Variants in FBXW8 observed in about 807,000 individuals in gnomAD.
FBXW8 encodes the protein F-box and WD repeat domain containing 8.
In FBXW8, 57 loss-of-function variants were observed where a neutral mutation model predicts 65.3. The observed-to-expected ratio is 0.87, with a 90% confidence interval of 0.71 to 1.09. FBXW8 has a LOEUF of 1.09. Among genes scored for constraint, FBXW8 ranks in the 50% least tolerant of loss-of-function variants. The probability of loss-of-function intolerance (pLI) is 0.00; values close to 1 mark genes in which losing one functional copy is unlikely to be tolerated. For synonymous variants in FBXW8, 308 were observed against 330.2 expected, an observed-to-expected ratio of 0.93 and a Z score of 0.73; for missense variants, 777 against 814.8, an observed-to-expected ratio of 0.95 and a Z score of 0.57.
intron 1 of FBXW8, among the ~76,000 whole-genome samples, chr12:116,922,806 G>T (rs1216264235): frequency 6.6e-6 from 1 of 151,380 alleles, no homozygotes; most frequent in African/African-American, 2.4e-5. Context: ...GAGTGTGTGT[G>T]TGTGTGTTTT....
intron 2 of FBXW8, among the ~76,000 whole-genome samples, chr12:116,930,195 C>T (rs941217400): frequency 6.6e-6 from 1 of 152,170 alleles, no homozygotes; most frequent in African/African-American, 2.4e-5. Context: ...ACCCAGCAAC[C>T]AGAATTGCTG....
intron 7 of FBXW8, among the ~76,000 whole-genome samples, chr12:116,994,527 G>C (rs982965997): frequency 2.6e-5 from 4 of 152,188 alleles, no homozygotes; most frequent in African/African-American, 9.7e-5. Context: ...AACCAATGTT[G>C]CCAGTTTTTT....
chr12:116,949,965 T>C, intron 4 of FBXW8: 1 of 420,588 alleles, frequency 2.4e-6, no homozygotes, highest in South Asian at 3.9e-5. Flanking sequence ...TTTAAATCAC[T>C]CTTGTGGCAT....
chr12:116,987,528 A>G (rs1885800014), intron 6 of FBXW8, among the ~76,000 whole-genome samples: 1 of 152,240 alleles, frequency 6.6e-6, no homozygotes, highest in African/African-American at 2.4e-5. Context: ...GCGTGTTTGT[A>G]GAGCCTTCCT....
intron 1 of FBXW8, among the ~76,000 whole-genome samples, chr12:116,913,546 T>G (rs1442634726): frequency 6.6e-6 from 1 of 152,000 alleles, no homozygotes; most frequent in East Asian, 1.9e-4. Context: ...TAAGAGAAAA[T>G]GTATTTACTA....
At chr12:116,959,545 C>A (rs758352881) in intron 4 of FBXW8, among the ~76,000 whole-genome samples, 1 of 152,134 alleles carries the variant, frequency 6.6e-6, no homozygotes, top group Non-Finnish European at 1.5e-5. Context: ...TTGTTTTTAG[C>A]AAATAAGAGC....
rs985008111 is a variant in FBXW8, at chr12:117,030,994, G to A, written c.*2822G>A. 3.9e-5 allele frequency: 6 copies of A among 152,044 alleles called. No individual in the cohort carries two copies. Among genetic ancestry groups the A allele is most frequent in the East Asian group, 1.9e-4 (1 of 5,186 alleles). 9.4% of individuals were successfully genotyped at this position (152,044 alleles called of 1,614,324 possible). A position where few individuals can be genotyped will look rare whatever the true frequency, so the allele number is the denominator to read the frequency against. On this transcript the variant is annotated 3_prime_UTR_variant, in exon 11 of 11. Transcript: ENST00000652555. Reference sequence around the variant, plus strand: ...CCCTCTCAGGGACGCCTCCATCCCCGGCTCCCCTAAAGGTAGAAGATACTC... The same window carrying A: ...CCCTCTCAGGGACGCCTCCATCCCCAGCTCCCCTAAAGGTAGAAGATACTC...
At chr12:116,960,339 C>T (rs993557960) in intron 4 of FBXW8, among the ~76,000 whole-genome samples, 2 of 152,196 alleles carry the variant, frequency 1.3e-5, no homozygotes, top group African/African-American at 4.8e-5. Flanking sequence ...GAGCCCGCTG[C>T]TGAGTCATAA....
chr12:116,950,024 A>G, intron 4 of FBXW8: 1 of 291,742 alleles, frequency 3.4e-6, no homozygotes, highest in Non-Finnish European at 6.5e-6. Context: ...TTATGAAGAC[A>G]TAAAAAAGTC....
intron 1 of FBXW8, among the ~76,000 whole-genome samples, chr12:116,925,239 T>G (rs7952766): frequency 0.77 from 116,093 of 151,270 alleles, 45,986 homozygotes; most frequent in Non-Finnish European, 0.86. Context: ...GCTGCCTTAG[T>G]GGGGTGGGAG....
At chr12:117,024,883 T>G (rs950040517) in intron 9 of FBXW8, among the ~76,000 whole-genome samples, 1 of 152,190 alleles carries the variant, frequency 6.6e-6, no homozygotes, top group African/African-American at 2.4e-5. Context: ...AAGGAGGAAT[T>G]TGTCATTTCC....
chr12:116,927,241 A>G (rs570173434), intron 1 of FBXW8, among the ~76,000 whole-genome samples: 12 of 152,266 alleles, frequency 7.9e-5, no homozygotes, highest in East Asian at 1.9e-4. Flanking sequence ...AGGATCGTCA[A>G]TGACAGCCTT....
At position 116,983,118 on chromosome 12, in the gene FBXW8, A is replaced by G. The variant is rs993423980; in HGVS notation, c.836-2088A>G. On this transcript the variant is annotated intron_variant, in intron 5 of 10. Coordinates refer to ENST00000652555, the MANE Select transcript of FBXW8 (RefSeq NM_153348.3). ...GAGTCTCTGAAGACTCAGAAGCTCT[A>G]TGCAAATGGGAGTTTTTTTTCTCTT... Among the ~76,000 whole-genome samples, 4 of 152,320 alleles carry G rather than the reference A, an allele frequency of 2.6e-5. No individual in the cohort carries two copies. The South Asian group carries it at 8.3e-4, about 32-fold the overall frequency.
intron 1 of FBXW8, among the ~76,000 whole-genome samples, chr12:116,920,025 A>G (rs1880761184): frequency 6.6e-6 from 1 of 152,214 alleles, no homozygotes; most frequent in Non-Finnish European, 1.5e-5. Context: ...CCAAATGTGT[A>G]CTCATGAATT....
intron 8 of FBXW8, among the ~76,000 whole-genome samples, chr12:117,017,865 C>T (rs140373227): frequency 5.8e-4 from 88 of 152,204 alleles, no homozygotes; most frequent in Non-Finnish European, 1.0e-3. Flanking sequence ...ATAGGAAGCA[C>T]GCCCTGAGTT....
At chr12:116,916,044 T>C (rs1880381456) in intron 1 of FBXW8, among the ~76,000 whole-genome samples, 1 of 152,224 alleles carries the variant, frequency 6.6e-6, no homozygotes. Flanking sequence ...CTTTGAGTTC[T>C]CGTGTATGGC....
intron 2 of FBXW8, among the ~76,000 whole-genome samples, chr12:116,933,691 G>T (rs1000894188): frequency 6.6e-6 from 1 of 152,210 alleles, no homozygotes; most frequent in Non-Finnish European, 1.5e-5. Flanking sequence ...AGTTAGCTGT[G>T]ATCTGTGAAG....
intron 4 of FBXW8, among the ~76,000 whole-genome samples, chr12:116,957,547 TA>T (rs1161757074): frequency 6.6e-6 from 1 of 152,230 alleles, no homozygotes; most frequent in Non-Finnish European, 1.5e-5. Flanking sequence ...GCCTATGGAT[TA>T]CTTTGAGACT....
intron 1 of FBXW8, among the ~76,000 whole-genome samples, chr12:116,911,701 G>A (rs562786043): frequency 1.9e-4 from 29 of 152,154 alleles, no homozygotes; most frequent in South Asian, 1.7e-3. Flanking sequence ...AATTATCCAG[G>A]ACAAAATATC....
Sources: gnomAD v4.1 joint callset for allele counts (sites outside exome capture counted in the v4.1 genomes callset) on GRCh38, gnomAD v4.1.1 for gene constraint, MANE v1.5 for transcripts, NCBI Gene and HGNC (gene_info 2026-07-23, HGNC 2026-07-21) for gene names.